Variants in L3HYPDH observed in about 807,000 individuals in gnomAD.
L3HYPDH encodes trans-L-3-hydroxyproline dehydratase.
Under a neutral mutation model 26.5 loss-of-function variants are expected in L3HYPDH, and 32 were observed. The ratio of observed to expected loss-of-function variants is 1.21; its 90% CI spans 0.91 to 1.62. L3HYPDH has a LOEUF of 1.62. Ranked by LOEUF, L3HYPDH falls within the 40% of genes most tolerant of loss-of-function variation. The pLI is 0.00. For synonymous variants in L3HYPDH, 215 were observed against 196.6 expected (o/e 1.09, Z -0.78); for missense variants, 554 against 476.4 (o/e 1.16, Z -1.52).
chr14:59,489,097 G>A (rs1027981851), upstream of L3HYPDH, among the ~76,000 whole-genome samples: 1 of 152,220 alleles, frequency 6.6e-6, no homozygotes, highest in Non-Finnish European at 1.5e-5. Context: ...TTGCTGTACA[G>A]CCTGGTTGAA....
intron 1 of L3HYPDH, among the ~76,000 whole-genome samples, chr14:59,483,069 T>C (rs140872200): frequency 2.0e-4 from 31 of 152,262 alleles, no homozygotes; most frequent in African/African-American, 7.0e-4. Flanking sequence ...AATGGCTCAA[T>C]AGGCCTAGGG....
chr14:59,468,052 T>C (rs1889235874), downstream of L3HYPDH, among the ~76,000 whole-genome samples: 1 of 128,506 alleles, frequency 7.8e-6, no homozygotes, highest in African/African-American at 3.3e-5. Flanking sequence ...CAGCTAGGCA[T>C]AATGCTCTTA....
the L3HYPDH span, chr14:59,501,381 C>T: frequency 6.3e-6 from 4 of 634,342 alleles, no homozygotes; most frequent in Non-Finnish European, 1.1e-5. Context: ...TAATCTTTGG[C>T]TGATTGATGC....
chr14:59,504,882 TG>T, the L3HYPDH span: 1 of 160,374 alleles, frequency 6.2e-6, no homozygotes, highest in Non-Finnish European at 1.4e-5. Flanking sequence ...TTACAACTGA[TG>T]GCTTATTAGA....
chr14:59,503,249 G>A, the L3HYPDH span, among the ~76,000 whole-genome samples: 4 of 152,136 alleles, frequency 2.6e-5, no homozygotes, highest in African/African-American at 9.7e-5. Context: ...ATAAGAGAAA[G>A]TTAGTAACTA....
At chr14:59,481,046 G>A (rs1051599849) in intron 1 of L3HYPDH, among the ~76,000 whole-genome samples, 9 of 152,274 alleles carry the variant, frequency 5.9e-5, no homozygotes, top group African/African-American at 1.9e-4. Flanking sequence ...TGGTTCAGGA[G>A]AAGTCATCCC....
At chr14:59,493,078 G>A in the L3HYPDH span, among the ~76,000 whole-genome samples, 1 of 152,158 alleles carries the variant, frequency 6.6e-6, no homozygotes, top group South Asian at 2.1e-4. Context: ...GATTACAGGC[G>A]TGAGCCACCA....
upstream of L3HYPDH, among the ~76,000 whole-genome samples, chr14:59,488,291 G>A (rs1890731318): frequency 6.6e-6 from 1 of 152,024 alleles, no homozygotes. Flanking sequence ...GATCAGGGAA[G>A]GAGATATAAA....
At chr14:59,473,118 T>C (rs749556212) in intron 4 of L3HYPDH, 28 bp from the exon 5 acceptor site, 7 of 1,563,116 alleles carry the variant, frequency 4.5e-6, no homozygotes, top group Admixed American at 2.1e-5. Flanking sequence ...GAGTATACTA[T>C]CAAAATATTG....
At chr14:59,495,933 G>A in the L3HYPDH span, among the ~76,000 whole-genome samples, 133 of 152,230 alleles carry the variant, frequency 8.7e-4, 3 homozygotes, top group South Asian at 0.02. Flanking sequence ...ACAGAGTCTC[G>A]TTCTGTCACC....
intron 2 of L3HYPDH, among the ~76,000 whole-genome samples, chr14:59,477,281 T>C (rs1013041174): frequency 7.9e-5 from 12 of 152,228 alleles, no homozygotes; most frequent in Admixed American, 5.9e-4. Flanking sequence ...AGTATGTTTG[T>C]GGTAAATGTT....
chr14:59,490,344 C>T, the L3HYPDH span, among the ~76,000 whole-genome samples: 2 of 152,220 alleles, frequency 1.3e-5, no homozygotes, highest in Non-Finnish European at 2.9e-5. Context: ...ATACTTCCCA[C>T]TAGGCCCCAC....
chr14:59,472,785 T>C lies in L3HYPDH; in HGVS notation c.*180A>G, dbSNP rs1263348641. ...GTATGCTAGACATAAGTGATATTTA[T>C]ACAAATACAGTTGCAAATACGAGGT... On this transcript the variant is annotated 3_prime_UTR_variant, in exon 5 of 5. Transcript: ENST00000247194. The C allele has an allele frequency of 6.3e-6, 3 of 478,698 alleles. No homozygotes were observed. The highest frequency in any genetic ancestry group is 1.1e-5 in the Non-Finnish European group (3 of 285,172). The allele number at this position is 478,698 out of a possible 1,614,324, so 29.7% of individuals were successfully genotyped here.
At chr14:59,470,648 T>C (rs1173518673), downstream of L3HYPDH, among the ~76,000 whole-genome samples, 1 of 152,106 alleles carries the variant, frequency 6.6e-6, no homozygotes, top group Non-Finnish European at 1.5e-5. Context: ...CACACCTACC[T>C]GCAGGGAGCA....
the L3HYPDH span, chr14:59,494,984 T>G: frequency 6.7e-7 from 1 of 1,503,584 alleles, no homozygotes; most frequent in Non-Finnish European, 9.2e-7. Flanking sequence ...ATATTGCAAT[T>G]TTTCTAGTAA....
rs1310917307 is a variant in L3HYPDH, at chr14:59,483,790, G to A, written c.508+19C>T. 6.3e-7 allele frequency: 1 copy of A among 1,588,988 alleles called. No homozygotes were observed. ...CCGGTTGCAGCTCTGCCCTGGGCTG[G>A]AAAGGTCCCGCCCATTACCTGTGGC... On this transcript the variant is annotated intron_variant, in intron 1 of 4. Coordinates refer to ENST00000247194, the MANE Select transcript of L3HYPDH (RefSeq NM_144581.2).
chr14:59,485,856 T>A (rs1353593035), upstream of L3HYPDH: 1 of 152,274 alleles, frequency 6.6e-6, no homozygotes, highest in Non-Finnish European at 1.5e-5. Flanking sequence ...GACCTCATGA[T>A]CTGCCCACCT....
upstream of L3HYPDH, among the ~76,000 whole-genome samples, chr14:59,488,038 C>T (rs551311791): frequency 1.9e-4 from 29 of 152,236 alleles, no homozygotes; most frequent in Non-Finnish European, 2.9e-5. Flanking sequence ...GTCTGTTTTA[C>T]TCTCAGTGAT....
At chr14:59,489,670 A>G in the L3HYPDH span, among the ~76,000 whole-genome samples, 3 of 152,166 alleles carry the variant, frequency 2.0e-5, no homozygotes, top group Admixed American at 2.0e-4. Context: ...TTCCATTACT[A>G]TAAAGGAATA....
Sources: gnomAD v4.1 joint callset for allele counts (sites outside exome capture counted in the v4.1 genomes callset) on GRCh38, gnomAD v4.1.1 for gene constraint, MANE v1.5 for transcripts, NCBI Gene and HGNC (gene_info 2026-07-23, HGNC 2026-07-21) for gene names.